Variants in GLMN observed in about 807,000 individuals in gnomAD.
GLMN encodes glomulin, FKBP associated protein, also known as glomulin.
In GLMN, 75 loss-of-function variants were observed where a neutral mutation model predicts 87.8. That is an observed-to-expected ratio of 0.85 (90% CI 0.71 to 1.04). The LOEUF is 1.04. Among genes scored for constraint, GLMN ranks in the 50% least tolerant of loss-of-function variants. The pLI, the probability that GLMN is intolerant of heterozygous loss-of-function variation, is 0.00. For missense variants in GLMN, 588 were observed against 658.8 expected, an observed-to-expected ratio of 0.89 and a Z score of 1.18; for synonymous variants, 206 against 221.6, an observed-to-expected ratio of 0.93 and a Z score of 0.63.
chr1:92,274,163 CTT>C (rs528568242), intron 7 of GLMN, among the ~76,000 whole-genome samples: 187 of 152,274 alleles, frequency 1.2e-3, no homozygotes, highest in African/African-American at 4.2e-3. Context: ...ACTGCTGGCT[CTT>C]TCTACTTGCA....
At chr1:92,313,172 T>C in the GLMN span, among the ~76,000 whole-genome samples, 1 of 152,174 alleles carries the variant, frequency 6.6e-6, no homozygotes, top group Non-Finnish European at 1.5e-5. Context: ...CACTCCCAAA[T>C]GTTCTTAATG....
the GLMN span, among the ~76,000 whole-genome samples, chr1:92,348,483 ATTC>A: frequency 2.6e-5 from 4 of 152,138 alleles, no homozygotes; most frequent in Non-Finnish European, 5.9e-5. Context: ...TTCCTTGCAG[ATTC>A]TTTTCATTCT....
At chr1:92,257,220 A>T (rs953673486) in intron 16 of GLMN, among the ~76,000 whole-genome samples, 6 of 152,204 alleles carry the variant, frequency 3.9e-5, no homozygotes, top group African/African-American at 1.2e-4. Flanking sequence ...CTTCAAGGAG[A>T]ACTACAAACC....
chr1:92,268,905 CTG>C (rs1400385228), intron 9 of GLMN, among the ~76,000 whole-genome samples: 3 of 136,790 alleles, frequency 2.2e-5, no homozygotes, highest in Non-Finnish European at 4.6e-5. Context: ...ACCTGTTACT[CTG>C]TAATTTCCTT....
At chr1:92,355,883 G>A in the GLMN span, among the ~76,000 whole-genome samples, 1 of 152,076 alleles carries the variant, frequency 6.6e-6, no homozygotes, top group African/African-American at 2.4e-5. Flanking sequence ...CTGGTCCCAA[G>A]CATTTTAGAT....
At chr1:92,345,879 G>A in the GLMN span, 11 of 1,604,714 alleles carry the variant, frequency 6.9e-6, no homozygotes, top group African/African-American at 4.0e-5. Flanking sequence ...ACAAACCTGC[G>A]GAATGGACTT....
intron 7 of GLMN, among the ~76,000 whole-genome samples, chr1:92,281,033 G>A (rs964914336): frequency 6.6e-6 from 1 of 152,220 alleles, no homozygotes; most frequent in Non-Finnish European, 1.5e-5. Flanking sequence ...AACAAAGTTA[G>A]AAAACACTCT....
chr1:92,271,767 G>GT, intron 7 of GLMN, 115 bp from the exon 8 acceptor site: 1 of 741,560 alleles, frequency 1.3e-6, no homozygotes, highest in East Asian at 2.5e-5. Flanking sequence ...CCCTTTGAGC[G>GT]TGAGTGGGAC....
At chr1:92,370,563 T>A in the GLMN span, among the ~76,000 whole-genome samples, 5 of 152,200 alleles carry the variant, frequency 3.3e-5, no homozygotes, top group African/African-American at 1.2e-4. Flanking sequence ...TAAGGTTTAT[T>A]AACTGTTGCA....
At chr1:92,283,945 A>C (rs1329494357) in intron 7 of GLMN, among the ~76,000 whole-genome samples, 1 of 152,192 alleles carries the variant, frequency 6.6e-6, no homozygotes, top group Non-Finnish European at 1.5e-5. Context: ...GGAGAACTAC[A>C]AACCACTGTT....
At chr1:92,343,169 T>C in the GLMN span, among the ~76,000 whole-genome samples, 1 of 151,600 alleles carries the variant, frequency 6.6e-6, no homozygotes, top group Non-Finnish European at 1.5e-5. Flanking sequence ...TCATGAGAGG[T>C]GGGGGAACCA....
the GLMN span, among the ~76,000 whole-genome samples, chr1:92,319,613 C>T: frequency 6.6e-6 from 1 of 152,164 alleles, no homozygotes; most frequent in Admixed American, 6.6e-5. Flanking sequence ...AAAAGTCTTA[C>T]TGACCATGTA....
the GLMN span, among the ~76,000 whole-genome samples, chr1:92,325,423 T>C: frequency 6.6e-6 from 1 of 152,084 alleles, no homozygotes; most frequent in Admixed American, 6.5e-5. Context: ...AAAACTTATA[T>C]TAAGCTAGGA....
chr1:92,352,892 AT>A, the GLMN span, among the ~76,000 whole-genome samples: 1 of 152,110 alleles, frequency 6.6e-6, no homozygotes, highest in Non-Finnish European at 1.5e-5. Flanking sequence ...CCATAAATCC[AT>A]TCTCTTATCT....
At chr1:92,336,428 G>A in the GLMN span, 1 of 1,575,868 alleles carries the variant, frequency 6.3e-7, no homozygotes. Flanking sequence ...GAACTTTCAG[G>A]TTAGTGTTTA....
the GLMN span, chr1:92,336,467 G>C: frequency 7.2e-7 from 1 of 1,383,088 alleles, no homozygotes; most frequent in African/African-American, 1.4e-5. Context: ...CAATTATTTT[G>C]ACTTTATTTA....
intron 7 of GLMN, among the ~76,000 whole-genome samples, chr1:92,281,002 G>T (rs900739914): frequency 7.9e-5 from 12 of 152,146 alleles, no homozygotes; most frequent in African/African-American, 2.9e-4. Flanking sequence ...TTGGTGCACC[G>T]GAAAGTGACA....
chr1:92,259,732 CT>C lies in GLMN; in HGVS notation c.1473+3130del, dbSNP rs58390058. On this transcript the variant is annotated intron_variant, in intron 16 of 18. Transcript: ENST00000370360. Reference sequence around the variant, plus strand: ...ATTTTGTTTTTTCTTTTTTTTCTTTCTTTTTTTTTTTTTTTTTTTTGAGACA... The same window carrying C: ...ATTTTGTTTTTTCTTTTTTTTCTTTCTTTTTTTTTTTTTTTTTTTGAGACA... Among the ~76,000 whole-genome samples, 556 of 108,206 alleles carry C rather than the reference CT, an allele frequency of 5.1e-3. 2 individuals are homozygous for C. Among genetic ancestry groups the C allele is most frequent in the African/African-American group, 0.016 (461 of 29,360 alleles). The allele number at this position is 108,206 out of a possible 152,430, so 71.0% of individuals were successfully genotyped here.
chr1:92,316,856 G>A, the GLMN span, among the ~76,000 whole-genome samples: 7 of 152,132 alleles, frequency 4.6e-5, no homozygotes, highest in South Asian at 4.1e-4. Context: ...ATTTTATATC[G>A]AATCTTGAAT....
Sources: allele counts gnomAD v4.1 joint callset (sites outside exome capture counted in the v4.1 genomes callset), GRCh38; gene constraint gnomAD v4.1.1; transcripts MANE v1.5; gene names NCBI Gene and HGNC (gene_info 2026-07-23, HGNC 2026-07-21).